OPCML: variants seen among roughly 807,000 people sequenced by gnomAD.
OPCML encodes the protein opioid-binding protein/cell adhesion molecule.
OPCML carries 13 observed loss-of-function variants against 37.8 expected under a neutral mutation model. The ratio of observed to expected loss-of-function variants is 0.34; its 90% CI spans 0.22 to 0.55. OPCML has a LOEUF of 0.55. Ranked by LOEUF, OPCML falls within the 20% of genes least tolerant of loss-of-function variation. OPCML has a pLI of 0.91. For missense variants in OPCML, 341 were observed against 435.6 expected, an observed-to-expected ratio of 0.78 and a Z score of 1.93; for synonymous variants, 176 against 168.8, an observed-to-expected ratio of 1.04 and a Z score of -0.33.
At chr11:132,971,867 C>T (rs745846432) in intron 1 of OPCML, among the ~76,000 whole-genome samples, 1 of 152,170 alleles carries the variant, frequency 6.6e-6, no homozygotes, top group Non-Finnish European at 1.5e-5. Flanking sequence ...ACCCTACTGG[C>T]CCCAATCTAG....
At chr11:133,187,130 C>T (rs2136295370) in intron 1 of OPCML, among the ~76,000 whole-genome samples, 1 of 152,232 alleles carries the variant, frequency 6.6e-6, no homozygotes, top group South Asian at 2.1e-4. Context: ...GAATAGACTG[C>T]AGGGAAGAAA....
At chr11:133,024,153 A>T (rs563466555) in intron 1 of OPCML, among the ~76,000 whole-genome samples, 2 of 152,360 alleles carry the variant, frequency 1.3e-5, no homozygotes, top group East Asian at 3.9e-4. Flanking sequence ...ACAGACATGC[A>T]TAAAAACAGG....
chr11:132,550,723 C>T (rs553070732), intron 3 of OPCML, among the ~76,000 whole-genome samples: 19 of 152,312 alleles, frequency 1.2e-4, no homozygotes, highest in South Asian at 6.2e-4. Flanking sequence ...GAGGAAGGGA[C>T]GGTTTTCACC....
At chr11:133,309,628 T>A (rs916803827) in intron 1 of OPCML, among the ~76,000 whole-genome samples, 17 of 152,232 alleles carry the variant, frequency 1.1e-4, no homozygotes, top group African/African-American at 3.9e-4. Context: ...TTAACAGGAT[T>A]GTGCCAAGGT....
At chr11:132,832,096 C>T (rs1940722335) in intron 2 of OPCML, among the ~76,000 whole-genome samples, 1 of 152,044 alleles carries the variant, frequency 6.6e-6, no homozygotes, top group Admixed American at 6.5e-5. Flanking sequence ...TCCTGTTGAA[C>T]CACAGCCTTC....
In OPCML at chr11:133,529,063, C is replaced by A. The variant is rs561025871; in HGVS notation, c.61+3201G>T. On this transcript the variant is annotated intron_variant, in intron 1 of 7. Coordinates refer to ENST00000524381, the MANE Select transcript of OPCML (RefSeq NM_001012393.5). ...TCCACCCTGCCCCATGGCCACAGAG[C>A]CATTTCTCAAAGCTGGAGGAGAAAA... 2.9e-3 allele frequency among the ~76,000 whole-genome samples: 443 copies of A among 152,324 alleles called. 1 individual carries two copies. The highest frequency in any genetic ancestry group is 0.01 in the Middle Eastern group (3 of 294).
chr11:132,957,147 C>T (rs1168284525), intron 1 of OPCML, among the ~76,000 whole-genome samples: 1 of 152,068 alleles, frequency 6.6e-6, no homozygotes, highest in East Asian at 1.9e-4. Flanking sequence ...AAACCAAAAC[C>T]AAAACAAAAC....
intron 1 of OPCML, among the ~76,000 whole-genome samples, chr11:133,013,900 CAATT>C (rs1344452643): frequency 1.3e-5 from 2 of 152,180 alleles, no homozygotes; most frequent in South Asian, 4.1e-4. Context: ...GAGCTGAAGA[CAATT>C]AAGAGGAAGC....
intron 1 of OPCML, among the ~76,000 whole-genome samples, chr11:133,110,870 G>A (rs1333829063): frequency 4.6e-5 from 7 of 152,134 alleles, no homozygotes; most frequent in Admixed American, 4.6e-4. Flanking sequence ...GAACAGGGAG[G>A]CATTTGGGGT....
At chr11:132,612,040 A>G (rs531373199) in intron 3 of OPCML, among the ~76,000 whole-genome samples, 1 of 152,338 alleles carries the variant, frequency 6.6e-6, no homozygotes, top group Admixed American at 6.5e-5. Flanking sequence ...AAATGGTATA[A>G]TAATTTCCTT....
intron 3 of OPCML, among the ~76,000 whole-genome samples, chr11:132,615,420 G>T (rs945865252): frequency 3.9e-5 from 6 of 152,144 alleles, no homozygotes; most frequent in Admixed American, 3.3e-4. Flanking sequence ...AAGGCATCAA[G>T]GTGAGGGTTG....
intron 2 of OPCML, among the ~76,000 whole-genome samples, chr11:132,658,490 G>A (rs1459381204): frequency 6.6e-6 from 1 of 152,110 alleles, no homozygotes; most frequent in Non-Finnish European, 1.5e-5. Flanking sequence ...CATGGCTCAG[G>A]GTCTCCAAGC....
chr11:133,169,087 C>T (rs936718810), intron 1 of OPCML, among the ~76,000 whole-genome samples: 1 of 152,124 alleles, frequency 6.6e-6, no homozygotes, highest in African/African-American at 2.4e-5. Context: ...CGAGATCGCG[C>T]CATTGCACTC....
chr11:132,467,292 A>C (rs1255195860), intron 4 of OPCML, among the ~76,000 whole-genome samples: 2 of 152,246 alleles, frequency 1.3e-5, no homozygotes. Flanking sequence ...AAGGAAAGCA[A>C]GAGTTCCCGT....
intron 2 of OPCML, among the ~76,000 whole-genome samples, chr11:132,731,347 C>T (rs1039216310): frequency 6.6e-6 from 1 of 152,152 alleles, no homozygotes; most frequent in African/African-American, 2.4e-5. Context: ...GGTTGTAACA[C>T]TCCTAATAAA....
chr11:132,656,244 G>T (rs942531325), intron 3 of OPCML, among the ~76,000 whole-genome samples: 4 of 152,160 alleles, frequency 2.6e-5, no homozygotes, highest in Non-Finnish European at 4.4e-5. Context: ...CATTTGGATT[G>T]CTGCCTTGCT....
At chr11:132,820,818 A>G (rs1939936182) in intron 2 of OPCML, among the ~76,000 whole-genome samples, 3 of 152,204 alleles carry the variant, frequency 2.0e-5, no homozygotes, top group Non-Finnish European at 4.4e-5. Context: ...TTACCAGGAT[A>G]TACAATCTGT....
chr11:133,074,268 A>G (rs887840567), intron 1 of OPCML, among the ~76,000 whole-genome samples: 7 of 152,218 alleles, frequency 4.6e-5, no homozygotes, highest in African/African-American at 1.7e-4. Context: ...ATCTGGATTC[A>G]GATATTATAT....
intron 7 of OPCML, among the ~76,000 whole-genome samples, chr11:132,435,782 A>G (rs908664765): frequency 2.6e-5 from 4 of 152,254 alleles, no homozygotes; most frequent in Admixed American, 6.5e-5. Flanking sequence ...AAAATTACAC[A>G]GTTGAATTGA....
Sources: gnomAD v4.1 joint callset for allele counts (sites outside exome capture counted in the v4.1 genomes callset) on GRCh38, gnomAD v4.1.1 for gene constraint, MANE v1.5 for transcripts, NCBI Gene and HGNC (gene_info 2026-07-23, HGNC 2026-07-21) for gene names.